Variants in DPP10 observed in about 807,000 individuals in gnomAD.
The protein encoded by DPP10 is inactive dipeptidyl peptidase 10.
DPP10 carries 33 observed loss-of-function variants against 120.9 expected under a neutral mutation model. The ratio of observed to expected loss-of-function variants is 0.27; its 90% CI spans 0.21 to 0.37. The LOEUF is 0.37. Among genes scored for constraint, DPP10 ranks in the 10% least tolerant of loss-of-function variants. DPP10 has a pLI of 1.00. For missense variants in DPP10, 816 were observed against 942.8 expected (o/e 0.87, Z 1.76); for synonymous variants, 337 against 326.1 (o/e 1.03, Z -0.36).
chr2:114,835,007 T>C (rs1292405861), intron 1 of DPP10, among the ~76,000 whole-genome samples: 2 of 149,922 alleles, frequency 1.3e-5, no homozygotes, highest in South Asian at 2.1e-4. Context: ...CACCTATGTA[T>C]ATAAAAGACA....
At chr2:115,171,370 A>AG (rs1306265835) in intron 1 of DPP10, among the ~76,000 whole-genome samples, 1 of 144,934 alleles carries the variant, frequency 6.9e-6, no homozygotes, top group Admixed American at 6.7e-5. Context: ...AAAAAAAAAA[A>AG]AAAAGAAAAG....
chr2:115,731,988 G>A (rs1162254477), intron 8 of DPP10, among the ~76,000 whole-genome samples: 2 of 152,150 alleles, frequency 1.3e-5, no homozygotes, highest in African/African-American at 4.8e-5. Flanking sequence ...TGTGCCAGGA[G>A]CTCCCAAGCT....
chr2:115,827,410 GTGTGTATATATATATATATATA>G (rs1688458900), intron 21 of DPP10, among the ~76,000 whole-genome samples: 1 of 97,252 alleles, frequency 1.0e-5, no homozygotes, highest in Non-Finnish European at 2.1e-5. Flanking sequence ...GTGTATGTGT[GTGTGTATATATATATATATATA>G]TATATATATA....
At chr2:115,102,032 T>C (rs1186191657) in intron 1 of DPP10, among the ~76,000 whole-genome samples, 1 of 152,250 alleles carries the variant, frequency 6.6e-6, no homozygotes, top group Non-Finnish European at 1.5e-5. Context: ...AGTATTAGTC[T>C]GCTAGGGCTG....
chr2:114,930,113 A>G (rs1409649604), intron 1 of DPP10, among the ~76,000 whole-genome samples: 1 of 152,124 alleles, frequency 6.6e-6, no homozygotes, highest in Non-Finnish European at 1.5e-5. Flanking sequence ...GGCAGCCTCA[A>G]AGATTTCTGA....
At chr2:115,180,858 G>T (rs2054024506) in intron 1 of DPP10, among the ~76,000 whole-genome samples, 1 of 152,010 alleles carries the variant, frequency 6.6e-6, no homozygotes. Flanking sequence ...AAGGACTGAG[G>T]GTAACCCCAA....
chr2:115,788,402 AC>A (rs1459193255), intron 17 of DPP10, among the ~76,000 whole-genome samples: 3 of 152,204 alleles, frequency 2.0e-5, no homozygotes, highest in Non-Finnish European at 4.4e-5. Context: ...TTGAAAAATG[AC>A]TAAGAAGGAA....
At position 115,723,322 on chromosome 2, in the gene DPP10, T is replaced by C. The variant is rs541923616; in HGVS notation, c.577-4494T>C. Reference sequence around the variant, plus strand: ...TGGGCTTCCGTCGAATTCTTTGTTGTTTTTGCTTTTCTTTGGTTTTCTCTC... The same window carrying C: ...TGGGCTTCCGTCGAATTCTTTGTTGCTTTTGCTTTTCTTTGGTTTTCTCTC... On this transcript the variant is annotated intron_variant, in intron 7 of 25. Transcript: ENST00000410059. Among the ~76,000 whole-genome samples the C allele has an allele frequency of 6.6e-5, 10 of 152,322 alleles. No individual in the cohort carries two copies. The South Asian group carries it at 2.1e-3, about 32-fold the overall frequency.
intron 1 of DPP10, among the ~76,000 whole-genome samples, chr2:114,468,139 C>G (rs147722022): frequency 6.6e-6 from 1 of 151,964 alleles, no homozygotes; most frequent in Non-Finnish European, 1.5e-5. Context: ...TACAATACTC[C>G]GTAAAGGTTG....
intron 1 of DPP10, among the ~76,000 whole-genome samples, chr2:115,120,150 T>A (rs1386757126): frequency 6.6e-6 from 1 of 152,248 alleles, no homozygotes; most frequent in East Asian, 1.9e-4. Context: ...TTTATCCATG[T>A]CATCAGTGTT....
chr2:114,879,509 G>A (rs116505384), intron 1 of DPP10, among the ~76,000 whole-genome samples: 1,565 of 152,186 alleles, frequency 0.01, 25 homozygotes, highest in Non-Finnish European at 0.01. Flanking sequence ...AATTTGCAAC[G>A]TGCCTTTTCT....
At chr2:115,482,154 A>G (rs1211795237) in intron 3 of DPP10, among the ~76,000 whole-genome samples, 1 of 151,860 alleles carries the variant, frequency 6.6e-6, no homozygotes, top group Admixed American at 6.6e-5. Context: ...GGTCATCACT[A>G]TTTTTTCATA....
rs117632218 is a variant in DPP10, at chr2:115,429,674, A to G, written c.272-69836A>G. On this transcript the variant is annotated intron_variant, in intron 3 of 25. Coordinates refer to ENST00000410059, the MANE Select transcript of DPP10 (RefSeq NM_020868.6). ...CTTATATGTCCCTTCCCCAGCATGT[A>G]ATCTTGTCTAGAACCTTCGTTTGGT... 3.5e-4 allele frequency among the ~76,000 whole-genome samples: 54 copies of G among 152,324 alleles called. No individual in the cohort carries two copies. In the East Asian group the frequency reaches 9.5e-3, roughly 27 times the overall value.
intron 5 of DPP10, among the ~76,000 whole-genome samples, chr2:115,537,005 C>A (rs567084471): frequency 7.9e-5 from 12 of 152,140 alleles, no homozygotes; most frequent in African/African-American, 2.9e-4. Context: ...ACTGTTACTA[C>A]ACAAGACAGT....
intron 2 of DPP10, among the ~76,000 whole-genome samples, chr2:115,316,124 T>C (rs2061779477): frequency 6.6e-6 from 1 of 152,190 alleles, no homozygotes; most frequent in Non-Finnish European, 1.5e-5. Context: ...TTGCCAGATG[T>C]TGTACTAAGT....
At chr2:115,754,434 G>A (rs1401698884) in intron 11 of DPP10, among the ~76,000 whole-genome samples, 1 of 152,096 alleles carries the variant, frequency 6.6e-6, no homozygotes, top group African/African-American at 2.4e-5. Context: ...ACTTAGAGAC[G>A]TTAGAGTTCT....
At chr2:115,674,768 T>C (rs942694651) in intron 5 of DPP10, among the ~76,000 whole-genome samples, 1 of 152,194 alleles carries the variant, frequency 6.6e-6, no homozygotes. Context: ...ACCTTACAAA[T>C]AGAGGTCAGA....
chr2:115,330,354 A>C (rs568954954), intron 2 of DPP10, among the ~76,000 whole-genome samples: 1,680 of 151,584 alleles, frequency 0.011, 27 homozygotes, highest in African/African-American at 0.039. Context: ...AGATGAGTAG[A>C]TTGCAAAAAT....
intron 1 of DPP10, among the ~76,000 whole-genome samples, chr2:114,890,345 G>A (rs918886062): frequency 1.3e-5 from 2 of 152,132 alleles, no homozygotes; most frequent in African/African-American, 4.8e-5. Context: ...GGTATGAGAA[G>A]CAATTCTGAA....
Sources: gnomAD v4.1 joint callset for allele counts (sites outside exome capture counted in the v4.1 genomes callset) on GRCh38, gnomAD v4.1.1 for gene constraint, MANE v1.5 for transcripts, NCBI Gene and HGNC (gene_info 2026-07-23, HGNC 2026-07-21) for gene names.